CUX2: variants seen among roughly 807,000 people sequenced by gnomAD.
The protein encoded by CUX2 is cut like homeobox 2.
CUX2 carries 40 observed loss-of-function variants against 144.8 expected under a neutral mutation model. That is an observed-to-expected ratio of 0.28 (90% CI 0.21 to 0.36). The LOEUF is 0.36. Among genes scored for constraint, CUX2 ranks in the 10% least tolerant of loss-of-function variants. The pLI, the probability that CUX2 is intolerant of heterozygous loss-of-function variation, is 1.00. For missense variants in CUX2, 1,615 were observed against 1,994.0 expected (o/e 0.81, Z 3.62); for synonymous variants, 827 against 875.6 (o/e 0.94, Z 0.98).
intron 1 of CUX2, among the ~76,000 whole-genome samples, chr12:111,038,705 G>A (rs946770510): frequency 3.3e-5 from 5 of 152,206 alleles, no homozygotes; most frequent in African/African-American, 7.2e-5. Flanking sequence ...TCTCAAAAAC[G>A]GGCTCTCTCT....
chr12:111,214,962 C>A (rs1205373107), intron 2 of CUX2, among the ~76,000 whole-genome samples: 1 of 152,084 alleles, frequency 6.6e-6, no homozygotes, highest in Non-Finnish European at 1.5e-5. Context: ...TCGCAGGCCC[C>A]CCTATTGCTT....
chr12:111,153,084 C>A (rs1051456182), intron 1 of CUX2, among the ~76,000 whole-genome samples: 8 of 152,174 alleles, frequency 5.3e-5, no homozygotes, highest in Admixed American at 1.3e-4. Context: ...ATCCCGAAAG[C>A]CACCCGAGGT....
Position 111,186,130 on chromosome 12 carries a change from C to A in CUX2, c.64-28070C>A, listed in dbSNP as rs1419856815. ...TCCGTCTCACTAGATTTCGCTTTCA[C>A]GTCCTCTCTCGGCATTTCTCCTCTT... On this transcript the variant is annotated intron_variant, in intron 1 of 21. Transcript: ENST00000261726. The surrounding 1 kb of genome is among the most constrained non-coding windows in gnomAD (Gnocchi z 4.4). Among the ~76,000 whole-genome samples the A allele has an allele frequency of 6.6e-6, 1 of 152,018 alleles. No individual in the cohort carries two copies. Among genetic ancestry groups the A allele is most frequent in the African/African-American group, 2.4e-5 (1 of 41,388 alleles).
chr12:111,229,775 C>T (rs1417455501), intron 3 of CUX2, among the ~76,000 whole-genome samples: 1 of 152,018 alleles, frequency 6.6e-6, no homozygotes, highest in Admixed American at 6.5e-5. Flanking sequence ...AATCCTAACA[C>T]TTTCAGAGGC....
chr12:111,108,977 T>C (rs1417661445), intron 1 of CUX2, among the ~76,000 whole-genome samples: 1 of 152,202 alleles, frequency 6.6e-6, no homozygotes, highest in Non-Finnish European at 1.5e-5. Flanking sequence ...CCACATGCCC[T>C]TCTGGTAGAG....
Position 111,307,158 on chromosome 12 carries a change from A to G in CUX2, c.1051-41A>G. 6.2e-7 allele frequency: 1 copy of G among 1,613,994 alleles called. No individual in the cohort carries two copies. Among genetic ancestry groups the G allele is most frequent in the South Asian group, 1.1e-5 (1 of 91,070 alleles). On this transcript the variant is annotated intron_variant, in intron 11 of 21. Transcript: ENST00000261726. The surrounding 1 kb of genome is among the most constrained non-coding windows in gnomAD (Gnocchi z 4.1). Reference sequence around the variant, plus strand: ...AGGCGGGCAGGCGGCCCCATGCAGAAGCACACAGACCAGCCTCACCATCTT... The same window carrying G: ...AGGCGGGCAGGCGGCCCCATGCAGAGGCACACAGACCAGCCTCACCATCTT...
Position 111,131,036 on chromosome 12 carries a change from G to T in CUX2, c.64-83164G>T, listed in dbSNP as rs116365963. On this transcript the variant is annotated intron_variant, in intron 1 of 21. Coordinates refer to ENST00000261726, the MANE Select transcript of CUX2 (RefSeq NM_015267.4). ...TTTTGGAGTGTAGCACACCTCATGG[G>T]TCACTTTTTTTATGCCTCCTGTATT... Among the ~76,000 whole-genome samples the T allele has an allele frequency of 5.8e-3, 882 of 152,242 alleles. 8 individuals are homozygous for T. The highest frequency in any genetic ancestry group is 0.02 in the African/African-American group (834 of 41,530).
At chr12:111,150,345 C>T (rs577446776) in intron 1 of CUX2, among the ~76,000 whole-genome samples, 51 of 152,314 alleles carry the variant, frequency 3.3e-4, no homozygotes, top group African/African-American at 1.2e-3. Context: ...AAGAATCATG[C>T]CTTGAACTTG....
chr12:111,310,327 G>GC lies in CUX2; in HGVS notation c.1551dup (p.Thr518HisfsTer11). The GC allele has an allele frequency of 6.6e-7, 1 of 1,515,086 alleles. No homozygotes were observed. The highest frequency in any genetic ancestry group is 8.9e-7 in the Non-Finnish European group (1 of 1,127,830). The allele number at this position is 1,515,086 out of a possible 1,614,324, so 93.9% of individuals were successfully genotyped here. On this transcript the variant is annotated frameshift_variant, in exon 15 of 22. Coordinates refer to ENST00000261726, the MANE Select transcript of CUX2 (RefSeq NM_015267.4). LOFTEE classifies it high-confidence loss of function. The surrounding 1 kb of genome is among the most constrained non-coding windows in gnomAD (Gnocchi z 7.9). ...TCCCCCCAGCCTTCTATGGCGCCAA[G>GC]CCCCCCACAGCCCCTGCCACCCCGG...
intron 1 of CUX2, chr12:111,099,834 T>C (rs915087510): frequency 1.7e-5 from 7 of 418,436 alleles, no homozygotes; most frequent in Non-Finnish European, 3.4e-5. Context: ...GCGGGGCCGA[T>C]GGGCAGCTAG....
At chr12:111,104,935 C>T (rs1296368254) in intron 1 of CUX2, among the ~76,000 whole-genome samples, 2 of 152,160 alleles carry the variant, frequency 1.3e-5, no homozygotes, top group Non-Finnish European at 2.9e-5. Context: ...GGAGGGGACC[C>T]TGTGGCTCCC....
At chr12:111,133,920 C>A (rs1875674611) in intron 1 of CUX2, among the ~76,000 whole-genome samples, 1 of 152,156 alleles carries the variant, frequency 6.6e-6, no homozygotes. Flanking sequence ...CCAGGGTCTT[C>A]CCACCTGTCC....
chr12:111,161,064 C>A (rs865874552), intron 1 of CUX2, among the ~76,000 whole-genome samples: 11 of 152,120 alleles, frequency 7.2e-5, no homozygotes, highest in African/African-American at 2.7e-4. Context: ...GAGGTGAGCC[C>A]TGGGCTTGAC....
chr12:111,101,329 A>G (rs1873220996), intron 1 of CUX2, among the ~76,000 whole-genome samples: 1 of 152,014 alleles, frequency 6.6e-6, no homozygotes, highest in Non-Finnish European at 1.5e-5. Flanking sequence ...AGATGGCCAC[A>G]CCACAGCAGC....
chr12:111,236,483 G>T (rs780319741), intron 3 of CUX2, among the ~76,000 whole-genome samples: 1 of 152,182 alleles, frequency 6.6e-6, no homozygotes, highest in Non-Finnish European at 1.5e-5. Flanking sequence ...GACGATCAGC[G>T]CAGGGGCCTC....
At chr12:111,259,033 G>A (rs12312503) in intron 3 of CUX2, among the ~76,000 whole-genome samples, 45 of 102,824 alleles carry the variant, frequency 4.4e-4, no homozygotes, top group African/African-American at 3.3e-3. Flanking sequence ...ACACCCAGCT[G>A]TGTGTGTGTG....
chr12:111,156,793 A>C (rs755391830), intron 1 of CUX2, among the ~76,000 whole-genome samples: 1 of 152,014 alleles, frequency 6.6e-6, no homozygotes, highest in Non-Finnish European at 1.5e-5. Flanking sequence ...GCCTGACCAA[A>C]ATGGTGAGAC....
intron 3 of CUX2, among the ~76,000 whole-genome samples, chr12:111,259,426 T>C (rs1883999389): frequency 6.6e-6 from 1 of 152,140 alleles, no homozygotes; most frequent in African/African-American, 2.4e-5. Flanking sequence ...AATAAAACTT[T>C]ATTTACACAA....
In CUX2 at chr12:111,263,216, T is replaced by A. The variant is rs1884216188; in HGVS notation, c.223-545T>A. ...GGCCAGGTGCGGTGGTGGCCTGTAATCCCGGCACTTTGGGAGGCCGAGGCA... is the reference window on the plus strand; with the variant it reads ...GGCCAGGTGCGGTGGTGGCCTGTAAACCCGGCACTTTGGGAGGCCGAGGCA... On this transcript the variant is annotated intron_variant, in intron 3 of 21. Transcript: ENST00000261726. The surrounding 1 kb of genome is among the most constrained non-coding windows in gnomAD (Gnocchi z 4.0). Among the ~76,000 whole-genome samples, 1 of 152,122 alleles carries A rather than the reference T, an allele frequency of 6.6e-6. No homozygotes were observed. Among genetic ancestry groups the A allele is most frequent in the Admixed American group, 6.5e-5 (1 of 15,272 alleles).
Sources: gnomAD v4.1 joint callset for allele counts (sites outside exome capture counted in the v4.1 genomes callset) on GRCh38, gnomAD v4.1.1 for gene constraint, Gnocchi (gnomAD v3.1) non-coding constraint, MANE v1.5 for transcripts, NCBI Gene and HGNC (gene_info 2026-07-23, HGNC 2026-07-21) for gene names.